GUCY2C: variants seen among roughly 807,000 people sequenced by gnomAD.
GUCY2C encodes guanylyl cyclase C.
A neutral mutation model predicts 131.1 loss-of-function variants in GUCY2C; 118 were observed. The observed-to-expected ratio is 0.90, with a 90% CI of 0.78 to 1.05. The LOEUF is 1.05. GUCY2C is among the 50% of genes least tolerant of loss of function. The pLI, the probability that GUCY2C is intolerant of heterozygous loss-of-function variation, is 0.00. For synonymous variants in GUCY2C, 452 were observed against 457.8 expected (o/e 0.99, Z 0.16); for missense variants, 1,161 against 1,304.4 (o/e 0.89, Z 1.69).
At chr12:14,615,747 G>A (rs1211834859) in intron 25 of GUCY2C, among the ~76,000 whole-genome samples, 1 of 151,944 alleles carries the variant, frequency 6.6e-6, no homozygotes. Context: ...TGGGGTAAGT[G>A]TTCTTTGTAA....
In GUCY2C at chr12:14,641,064, G is replaced by A; in HGVS notation, c.2068+18C>T. 1.2e-6 allele frequency: 2 copies of A among 1,612,004 alleles called. No individual in the cohort carries two copies. The highest frequency in any genetic ancestry group is 1.9e-4 in the Middle Eastern group (1 of 5,308). On this transcript the variant is annotated intron_variant, in intron 18 of 26. Transcript: ENST00000261170. ...TGGCTCACTCCCAGAGGGGACACAT[G>A]AATGGGTTTAGATGTACCATTCCGG...
At chr12:14,634,943 C>A (rs1290113030) in intron 19 of GUCY2C, among the ~76,000 whole-genome samples, 1 of 152,136 alleles carries the variant, frequency 6.6e-6, no homozygotes, top group Non-Finnish European at 1.5e-5. Flanking sequence ...ACACACCCAA[C>A]ATTGAAGCAT....
At chr12:14,677,010 A>C (rs1948247987) in intron 6 of GUCY2C, 39 bp from the exon 7 acceptor site, 1 of 662,206 alleles carries the variant, frequency 1.5e-6, no homozygotes. Flanking sequence ...AAAATTAGGA[A>C]AAATAGAGAT....
chr12:14,626,528 G>T (rs1947021395), intron 20 of GUCY2C, among the ~76,000 whole-genome samples: 1 of 152,138 alleles, frequency 6.6e-6, no homozygotes, highest in South Asian at 2.1e-4. Flanking sequence ...CTACTTCTGA[G>T]AATTATCCTA....
chr12:14,635,321 C>T (rs192645452), intron 19 of GUCY2C, among the ~76,000 whole-genome samples: 128 of 152,176 alleles, frequency 8.4e-4, no homozygotes, highest in African/African-American at 2.8e-3. Flanking sequence ...ACTTTGGAAA[C>T]TACACAAATA....
intron 10 of GUCY2C, among the ~76,000 whole-genome samples, chr12:14,667,680 A>G (rs1214520962): frequency 6.6e-6 from 1 of 152,190 alleles, no homozygotes; most frequent in Non-Finnish European, 1.5e-5. Context: ...TGTAGCTTAT[A>G]ATTTTTAATA....
intron 10 of GUCY2C, among the ~76,000 whole-genome samples, chr12:14,667,381 T>C (rs995616217): frequency 6.6e-6 from 1 of 152,216 alleles, no homozygotes; most frequent in Non-Finnish European, 1.5e-5. Context: ...AACTCGACTT[T>C]AAAAAGCAAT....
At chr12:14,683,008 C>A (rs778617184) in intron 4 of GUCY2C, 34 bp downstream of exon 4, 102 of 1,433,552 alleles carry the variant, frequency 7.1e-5, no homozygotes, top group Non-Finnish European at 9.0e-5. Context: ...CTCTCCATGG[C>A]AAGTGCTAGT....
At position 14,616,228 on chromosome 12, in the gene GUCY2C, G is replaced by A. The variant is rs948053579; in HGVS notation, c.2970+405C>T. Among the ~76,000 whole-genome samples, 7 of 152,122 alleles carry A rather than the reference G, an allele frequency of 4.6e-5. No individual in the cohort carries two copies. In the South Asian group the frequency reaches 6.2e-4, roughly 13 times the overall value. On this transcript the variant is annotated intron_variant, in intron 25 of 26. Coordinates refer to ENST00000261170, the MANE Select transcript of GUCY2C (RefSeq NM_004963.4). ...CACTCCTTGTGATTCTAGAGCTTCC[G>A]AATAGTAAAGCAACTGGCAAGAGAG... is the stretch of plus-strand genomic sequence containing the variant.
Position 14,660,980 on chromosome 12 carries a change from C to G in GUCY2C, c.1364+1G>C, listed in dbSNP as rs1592123058. 1 of 1,603,756 alleles carries G rather than the reference C, an allele frequency of 6.2e-7. No homozygotes were observed. The highest frequency in any genetic ancestry group is 1.1e-5 in the South Asian group (1 of 90,888). Reference sequence around the variant, plus strand: ...CACAGGCATGATAGAGGCGGCTGTACCTGAGCATCAGGAGAGCGACGAGCA... The same window carrying G: ...CACAGGCATGATAGAGGCGGCTGTAGCTGAGCATCAGGAGAGCGACGAGCA... On this transcript the variant is annotated splice_donor_variant, in intron 11 of 26. Transcript: ENST00000261170. LOFTEE classifies it high-confidence loss of function.
At chr12:14,688,160 T>C (rs1948509798) in intron 1 of GUCY2C, 97 bp from the exon 2 acceptor site, 1 of 760,950 alleles carries the variant, frequency 1.3e-6, no homozygotes, top group Non-Finnish European at 2.3e-6. Flanking sequence ...TGGATATCCA[T>C]TTTCAGGCCT....
chr12:14,681,928 G>T (rs2137091844), intron 4 of GUCY2C, among the ~76,000 whole-genome samples: 1 of 152,246 alleles, frequency 6.6e-6, no homozygotes, highest in South Asian at 2.1e-4. Flanking sequence ...CAAAAATGCA[G>T]AGTTGATAGG....
chr12:14,681,342 T>A lies in GUCY2C; in HGVS notation c.733+14A>T. On this transcript the variant is annotated intron_variant, in intron 5 of 26. Coordinates refer to ENST00000261170, the MANE Select transcript of GUCY2C (RefSeq NM_004963.4). ...AGAAGTTAGCAAAAAACAATTATCT[T>A]CATGTCTTCTTACCATTGCTTTTCC... 1 of 1,611,052 alleles carries A rather than the reference T, an allele frequency of 6.2e-7. No homozygotes were observed. The highest frequency in any genetic ancestry group is 8.5e-7 in the Non-Finnish European group (1 of 1,177,938).
At chr12:14,644,740 CT>C (rs542151875) in intron 16 of GUCY2C, among the ~76,000 whole-genome samples, 12,681 of 108,588 alleles carry the variant, frequency 0.12, 745 homozygotes, top group Non-Finnish European at 0.17. Flanking sequence ...ATTCAGTTGT[CT>C]TTTTTTTTTT....
chr12:14,686,092 C>T lies in GUCY2C; in HGVS notation c.395+69G>A, dbSNP rs562190562. The T allele has an allele frequency of 9.6e-6, 9 of 938,186 alleles. No homozygotes were observed. In the African/African-American group the frequency reaches 1.3e-4, roughly 14 times the overall value. 58.1% of individuals were successfully genotyped at this position (938,186 alleles called of 1,614,324 possible). A position where few individuals can be genotyped will look rare whatever the true frequency, so the allele number is the denominator to read the frequency against. Reference sequence around the variant, plus strand: ...CTCTGATTGTGTTGGCTTGACTAGACTGTTGTTTGATGAGTCCTTTAAGTT... The same window carrying T: ...CTCTGATTGTGTTGGCTTGACTAGATTGTTGTTTGATGAGTCCTTTAAGTT... On this transcript the variant is annotated intron_variant, in intron 3 of 26. Transcript: ENST00000261170.
chr12:14,688,707 T>C (rs1002793017), intron 1 of GUCY2C, among the ~76,000 whole-genome samples: 67 of 152,208 alleles, frequency 4.4e-4, no homozygotes, highest in African/African-American at 1.3e-3. Context: ...TTTCTTTGTG[T>C]GTTACACAGA....
At chr12:14,616,140 A>G (rs1946757726) in intron 25 of GUCY2C, among the ~76,000 whole-genome samples, 1 of 152,120 alleles carries the variant, frequency 6.6e-6, no homozygotes, top group Admixed American at 6.5e-5. Context: ...GTGTCCACAC[A>G]TCTGCATTTT....
In GUCY2C at chr12:14,617,252, C is replaced by A. The variant is rs1946785321; in HGVS notation, c.2876-525G>T. ...ATTAAACCTCTTTTCTTATAAATAA[C>A]CCAGTCTCAGGTTTTTCTTTATAGC... On this transcript the variant is annotated intron_variant, in intron 24 of 26. Coordinates refer to ENST00000261170, the MANE Select transcript of GUCY2C (RefSeq NM_004963.4). Among the ~76,000 whole-genome samples, 6 of 152,148 alleles carry A rather than the reference C, an allele frequency of 3.9e-5. No homozygotes were observed. In the South Asian group the frequency reaches 1.2e-3, roughly 32 times the overall value.
Position 14,673,061 on chromosome 12 carries a change from T to C in GUCY2C, c.1085-103A>G, listed in dbSNP as rs1948150905. ...TAAAATGGGTTCAAATAGCTCTGTT[T>C]CAAATTTACTGAAAACATTGTTGAC... On this transcript the variant is annotated intron_variant, in intron 8 of 26. Transcript: ENST00000261170. 3 of 692,402 alleles carry C rather than the reference T, an allele frequency of 4.3e-6. No homozygotes were observed. In the East Asian group the frequency reaches 7.8e-5, roughly 18 times the overall value. 42.9% of individuals were successfully genotyped at this position (692,402 alleles called of 1,614,324 possible).
Sources: allele counts gnomAD v4.1 joint callset (sites outside exome capture counted in the v4.1 genomes callset), GRCh38; gene constraint gnomAD v4.1.1; transcripts MANE v1.5; gene names NCBI Gene and HGNC (gene_info 2026-07-23, HGNC 2026-07-21).